RBFOX1: variants seen among roughly 807,000 people sequenced by gnomAD.
RBFOX1 encodes RNA binding protein fox-1 homolog 1.
A neutral mutation model predicts 57.7 loss-of-function variants in RBFOX1; 8 were observed. The ratio of observed to expected loss-of-function variants is 0.14; its 90% CI spans 0.08 to 0.25. The LOEUF is 0.25. RBFOX1 is among the 10% of genes least tolerant of loss of function. RBFOX1 has a pLI of 1.00. For synonymous variants in RBFOX1, 326 were observed against 222.4 expected, an observed-to-expected ratio of 1.47 and a Z score of -4.15; for missense variants, 611 against 548.5, an observed-to-expected ratio of 1.11 and a Z score of -1.14.
intron 2 of RBFOX1, among the ~76,000 whole-genome samples, chr16:6,379,188 G>T (rs1423236803): frequency 6.6e-6 from 1 of 152,046 alleles, no homozygotes; most frequent in Non-Finnish European, 1.5e-5. Flanking sequence ...TGAGTTTTGG[G>T]CCCCTGTAGA....
At chr16:7,436,793 G>A (rs1264410249) in intron 4 of RBFOX1, among the ~76,000 whole-genome samples, 1 of 152,130 alleles carries the variant, frequency 6.6e-6, no homozygotes, top group Non-Finnish European at 1.5e-5. Context: ...CTGGTGCAGT[G>A]GCTCATACCT....
In RBFOX1 at chr16:7,146,245, G is replaced by A. The variant is rs554035862; in HGVS notation, c.27+94147G>A. ...GCCTCACAATCCATATGCAGGAACA[G>A]CAGATGCCACGTATTGAAATTTCTA... is the stretch of plus-strand genomic sequence containing the variant. On this transcript the variant is annotated intron_variant, in intron 4 of 15. Coordinates refer to ENST00000550418, the MANE Select transcript of RBFOX1 (RefSeq NM_018723.4). 5.3e-5 allele frequency among the ~76,000 whole-genome samples: 8 copies of A among 152,210 alleles called. No homozygotes were observed. The South Asian group carries it at 1.2e-3, about 24-fold the overall frequency.
intron 4 of RBFOX1, among the ~76,000 whole-genome samples, chr16:7,424,153 A>T (rs962147684): frequency 6.6e-6 from 1 of 152,192 alleles, no homozygotes; most frequent in African/African-American, 2.4e-5. Flanking sequence ...CCATGCAATG[A>T]TAAAGTGACT....
chr16:7,634,393 T>C (rs563542885), intron 11 of RBFOX1, among the ~76,000 whole-genome samples: 1 of 152,130 alleles, frequency 6.6e-6, no homozygotes, highest in East Asian at 1.9e-4. Context: ...TGTTTGTTTT[T>C]TTTTTTCGAG....
chr16:5,446,589 G>A (rs1036653993), intron 1 of RBFOX1, among the ~76,000 whole-genome samples: 1 of 152,034 alleles, frequency 6.6e-6, no homozygotes, highest in Non-Finnish European at 1.5e-5. Context: ...TTTAACAGGA[G>A]GGTGGCTTGA....
At chr16:5,345,834 G>C (rs75507972) in intron 1 of RBFOX1, among the ~76,000 whole-genome samples, 108 of 152,296 alleles carry the variant, frequency 7.1e-4, no homozygotes, top group African/African-American at 2.4e-3. Context: ...TGGACTTAAA[G>C]GAATGATGCT....
intron 4 of RBFOX1, among the ~76,000 whole-genome samples, chr16:7,303,135 C>T (rs1261043626): frequency 6.6e-6 from 1 of 152,202 alleles, no homozygotes; most frequent in Non-Finnish European, 1.5e-5. Context: ...GATTTCCACG[C>T]CAGCCTGGGC....
chr16:7,693,529 C>T (rs1327036833), intron 14 of RBFOX1, among the ~76,000 whole-genome samples: 6 of 150,180 alleles, frequency 4.0e-5, no homozygotes. Context: ...AGCCTTGAGG[C>T]TCTGCCATAT....
At chr16:5,759,598 C>T (rs914461881) in intron 3 of RBFOX1, among the ~76,000 whole-genome samples, 3 of 152,150 alleles carry the variant, frequency 2.0e-5, no homozygotes, top group East Asian at 1.9e-4. Flanking sequence ...TTCCTTTTGC[C>T]GCCAGTGCCA....
intron 4 of RBFOX1, among the ~76,000 whole-genome samples, chr16:7,488,395 CTCTATA>C (rs1181434186): frequency 2.0e-5 from 3 of 151,720 alleles, no homozygotes; most frequent in African/African-American, 7.3e-5. Flanking sequence ...ATATATGGAC[CTCTATA>C]TCTATCTACT....
At chr16:5,261,929 G>T (rs2151100732) in intron 1 of RBFOX1, among the ~76,000 whole-genome samples, 1 of 152,254 alleles carries the variant, frequency 6.6e-6, no homozygotes, top group Non-Finnish European at 1.5e-5. Flanking sequence ...GTTTCTTCAT[G>T]AAGAGGCCAT....
chr16:7,515,350 C>T (rs573656500), intron 4 of RBFOX1, among the ~76,000 whole-genome samples: 2 of 151,292 alleles, frequency 1.3e-5, no homozygotes, highest in East Asian at 2.0e-4. Flanking sequence ...TACAAAGTGT[C>T]AGTTTTGCAA....
At chr16:5,887,673 G>C (rs2151928568) in intron 4 of RBFOX1, among the ~76,000 whole-genome samples, 1 of 152,232 alleles carries the variant, frequency 6.6e-6, no homozygotes, top group East Asian at 1.9e-4. Context: ...GAAAGTGCTG[G>C]AATTACAGAT....
At chr16:6,510,691 A>T (rs538122590) in intron 2 of RBFOX1, among the ~76,000 whole-genome samples, 1 of 152,238 alleles carries the variant, frequency 6.6e-6, no homozygotes, top group East Asian at 1.9e-4. Context: ...CTGGGCAATG[A>T]AGTTTAAAGG....
In RBFOX1 at chr16:5,575,424, C is replaced by T. The variant is rs138234654; in HGVS notation, c.259-23478C>T. 2.2e-3 allele frequency among the ~76,000 whole-genome samples: 335 copies of T among 152,314 alleles called. 1 individual carries two copies. The highest frequency in any genetic ancestry group is 7.6e-3 in the African/African-American group (316 of 41,566). ...GGTGATCATCCTAACAGCTCTATGT[C>T]AGGCAGGTTCAACTTTTGTCATTTT... On this transcript the variant is annotated intron_variant, in intron 2 of 2. Transcript: ENST00000585867.
intron 2 of RBFOX1, among the ~76,000 whole-genome samples, chr16:6,464,388 C>T (rs1440903634): frequency 6.6e-6 from 1 of 151,756 alleles, no homozygotes; most frequent in South Asian, 2.1e-4. Context: ...AAAATATTTT[C>T]AATTGGTTTG....
chr16:7,518,496 G>T (rs901095714), intron 5 of RBFOX1, 107 bp downstream of exon 5: 4 of 1,452,810 alleles, frequency 2.8e-6, no homozygotes, highest in Non-Finnish European at 3.7e-6. Flanking sequence ...CTGGGAAACA[G>T]ATCAGTCCCT....
Position 7,611,966 on chromosome 16 carries a change from A to C in RBFOX1, c.676+4628A>C, listed in dbSNP as rs977758165. 2.6e-5 allele frequency among the ~76,000 whole-genome samples: 4 copies of C among 152,180 alleles called. No individual in the cohort carries two copies. The South Asian group carries it at 6.2e-4, about 24-fold the overall frequency. On this transcript the variant is annotated intron_variant, in intron 10 of 15. Coordinates refer to ENST00000550418, the MANE Select transcript of RBFOX1 (RefSeq NM_018723.4). ...GAGATGGGTAGTTTTCTATAAAGCA[A>C]AAACAGCATTGATAATTTCTTCTAA...
chr16:5,663,343 C>T (rs964791703), intron 3 of RBFOX1, among the ~76,000 whole-genome samples: 1 of 151,860 alleles, frequency 6.6e-6, no homozygotes, highest in African/African-American at 2.4e-5. Context: ...TAGTTGAGAC[C>T]ACAGGCACAT....
Sources: allele counts gnomAD v4.1 joint callset (sites outside exome capture counted in the v4.1 genomes callset), GRCh38; gene constraint gnomAD v4.1.1; transcripts MANE v1.5; gene names NCBI Gene and HGNC (gene_info 2026-07-23, HGNC 2026-07-21).